The following PRKCI variants were observed in gnomAD, a reference collection of about 807,000 sequenced individuals.
PRKCI encodes the protein protein kinase C iota type.
PRKCI carries 43 observed loss-of-function variants against 84.0 expected under a neutral mutation model. That is an observed-to-expected ratio of 0.51 (90% CI 0.40 to 0.66). The LOEUF is 0.66. PRKCI is among the 30% of genes least tolerant of loss of function. The pLI is 0.00. For missense variants in PRKCI, 459 were observed against 745.6 expected (o/e 0.62, Z 4.48); for synonymous variants, 216 against 234.4 (o/e 0.92, Z 0.72).
rs577959729 is a variant in PRKCI, at chr3:170,231,831, C to T, written c.102-3399C>T. 2.3e-4 allele frequency among the ~76,000 whole-genome samples: 35 copies of T among 152,224 alleles called. 1 individual carries two copies. In the South Asian group the frequency reaches 3.7e-3, roughly 16 times the overall value. On this transcript the variant is annotated intron_variant, in intron 1 of 17. Transcript: ENST00000295797. ...TTGAATTATAGTAATAATCTCTTAT[C>T]TTAGTGAAATATAATAGAAAAATTT...
At chr3:170,282,622 G>A (rs777400605) in intron 11 of PRKCI, among the ~76,000 whole-genome samples, 3 of 151,520 alleles carry the variant, frequency 2.0e-5, no homozygotes, top group South Asian at 2.1e-4. Flanking sequence ...GTCTGAACCC[G>A]GAAGGCGGAG....
Position 170,257,689 on chromosome 3 carries a change from A to G in PRKCI, c.224-2280A>G, listed in dbSNP as rs180897855. ...TTTTTTTTTTTTTTTTTTGAGACAA[A>G]GTCTCGCTCTTGTTGCCCAGGCTGG... is the stretch of plus-strand genomic sequence containing the variant. On this transcript the variant is annotated intron_variant, in intron 2 of 17. Coordinates refer to ENST00000295797, the MANE Select transcript of PRKCI (RefSeq NM_002740.6). 8.9e-3 allele frequency among the ~76,000 whole-genome samples: 1,295 copies of G among 145,816 alleles called. 18 individuals carry two copies. The highest frequency in any genetic ancestry group is 0.031 in the African/African-American group (1,232 of 39,436).
rs1369020792 is a variant in PRKCI, at chr3:170,298,199, G to A, written c.1588-796G>A. ...AAAAATTGAATATTAATGTAATAAA[G>A]CAGGTTGTAATGTTATTAAGGCCCA... On this transcript the variant is annotated intron_variant, in intron 16 of 17. Transcript: ENST00000295797. 2.0e-5 allele frequency among the ~76,000 whole-genome samples: 3 copies of A among 152,002 alleles called. No individual in the cohort carries two copies. The East Asian group carries it at 5.8e-4, about 30-fold the overall frequency.
intron 11 of PRKCI, among the ~76,000 whole-genome samples, chr3:170,283,725 AG>A (rs1216572326): frequency 6.6e-6 from 1 of 152,200 alleles, no homozygotes; most frequent in African/African-American, 2.4e-5. Context: ...TAAGAACTAA[AG>A]CCCAGGACAA....
In PRKCI at chr3:170,303,407, T is replaced by TTA; in HGVS notation, c.*280_*281insTA. 4.2e-6 allele frequency: 1 copy of TTA among 237,004 alleles called. No homozygotes were observed. The highest frequency in any genetic ancestry group is 5.7e-5 in the Admixed American group (1 of 17,398). 14.7% of individuals were successfully genotyped at this position (237,004 alleles called of 1,614,324 possible). On this transcript the variant is annotated 3_prime_UTR_variant, in exon 18 of 18. Coordinates refer to ENST00000295797, the MANE Select transcript of PRKCI (RefSeq NM_002740.6). ...GAGTAATGAAGTTATCTTTTTTGTT[T>TTA]AAAAAAAAAAAAAACACTGCATTAA...
chr3:170,222,706 A>C lies in PRKCI; in HGVS notation c.37A>C (p.Thr13Pro). 6.2e-7 allele frequency: 1 copy of C among 1,609,256 alleles called. No individual in the cohort carries two copies. Among genetic ancestry groups the C allele is most frequent in the Non-Finnish European group, 8.5e-7 (1 of 1,178,576 alleles). Residue 13 changes from threonine to proline, a missense_variant, in exon 1 of 18, where the codon ACG becomes CCG. Thr to Pro is a conservative substitution (Grantham distance 38, BLOSUM62 -1). This residue lies in a region of PRKCI where 250 missense variants were observed against 319.7 expected (regional missense o/e 0.78). Coordinates refer to ENST00000295797, the MANE Select transcript of PRKCI (RefSeq NM_002740.6). ...TQRDSSTMSH[T>P]VAGGGSGDHS... ...GAGGGACAGCAGCACCATGTCCCAC[A>C]CGGTCGCAGGCGGCGGCAGCGGGGA...
chr3:170,270,145 T>G (rs763405488), intron 5 of PRKCI, among the ~76,000 whole-genome samples: 44 of 152,214 alleles, frequency 2.9e-4, no homozygotes, highest in Non-Finnish European at 4.4e-4. Flanking sequence ...CTGTTTTCAT[T>G]ATTTTGAACT....
chr3:170,227,978 T>C lies in PRKCI; in HGVS notation c.101+5208T>C, dbSNP rs528416806. Among the ~76,000 whole-genome samples, 20 of 152,256 alleles carry C rather than the reference T, an allele frequency of 1.3e-4. No homozygotes were observed. In the East Asian group the frequency reaches 3.7e-3, roughly 28 times the overall value. On this transcript the variant is annotated intron_variant, in intron 1 of 17. Transcript: ENST00000295797. ...ATCAGTAGAATTAAAGATAGTCTTG[T>C]AGGGGTGACGGGAGTTGGACAACTC...
intron 2 of PRKCI, among the ~76,000 whole-genome samples, chr3:170,242,199 A>G (rs1382297430): frequency 6.6e-6 from 1 of 152,108 alleles, no homozygotes; most frequent in Non-Finnish European, 1.5e-5. Context: ...GTTGAATTCA[A>G]CCAACTCTTT....
intron 2 of PRKCI, among the ~76,000 whole-genome samples, chr3:170,249,416 T>C (rs1405988032): frequency 1.3e-5 from 2 of 151,300 alleles, no homozygotes; most frequent in African/African-American, 4.9e-5. Flanking sequence ...AGAGAGAGAG[T>C]GCGTGTGTGC....
chr3:170,247,659 G>A (rs1384821394), intron 2 of PRKCI, among the ~76,000 whole-genome samples: 11 of 150,444 alleles, frequency 7.3e-5, no homozygotes, highest in African/African-American at 2.7e-4. Flanking sequence ...GAACCTGGGA[G>A]GTGGAGGTTG....
chr3:170,238,988 C>A (rs1733051908), intron 2 of PRKCI, among the ~76,000 whole-genome samples: 1 of 152,178 alleles, frequency 6.6e-6, no homozygotes, highest in Admixed American at 6.5e-5. Flanking sequence ...CCTGACCTAG[C>A]CTCCCAAAGT....
chr3:170,265,188 CAAAAA>C (rs71634708), intron 4 of PRKCI, among the ~76,000 whole-genome samples: 1 of 116,452 alleles, frequency 8.6e-6, no homozygotes, highest in Non-Finnish European at 1.8e-5. Context: ...GACTCTGTCT[CAAAAA>C]AAAAAAAAAG....
chr3:170,295,924 A>G lies in PRKCI; in HGVS notation c.1431A>G (p.Lys477=), dbSNP rs1385861768. 6.4e-7 allele frequency: 1 copy of G among 1,570,158 alleles called. No homozygotes were observed. ...EDYLFQVILE[K]QIRIPRSLSV... ...TTATCTTTCTAGTTATTTTGGAAAAACAAATTCGCATACCACGTTCTCTGT... is the reference window on the plus strand; with the variant it reads ...TTATCTTTCTAGTTATTTTGGAAAAGCAAATTCGCATACCACGTTCTCTGT... Residue 477 remains lysine (K), a synonymous_variant, in exon 15 of 18, where the codon AAA becomes AAG. Coordinates refer to ENST00000295797, the MANE Select transcript of PRKCI (RefSeq NM_002740.6).
At chr3:170,227,581 A>G (rs1403286061) in intron 1 of PRKCI, among the ~76,000 whole-genome samples, 2 of 152,224 alleles carry the variant, frequency 1.3e-5, no homozygotes, top group African/African-American at 2.4e-5. Flanking sequence ...TATAGGCATT[A>G]AACAACCACA....
At chr3:170,264,265 A>G (rs1010060980) in intron 4 of PRKCI, among the ~76,000 whole-genome samples, 2 of 151,154 alleles carry the variant, frequency 1.3e-5, no homozygotes, top group Non-Finnish European at 2.9e-5. Flanking sequence ...TTACTTAAAC[A>G]GGTATTAAGT....
At chr3:170,289,511 C>A (rs1033894513) in intron 12 of PRKCI, among the ~76,000 whole-genome samples, 3 of 152,130 alleles carry the variant, frequency 2.0e-5, no homozygotes, top group African/African-American at 7.2e-5. Flanking sequence ...ACAGTGCTCA[C>A]GCCTGTAATC....
intron 1 of PRKCI, among the ~76,000 whole-genome samples, chr3:170,231,589 T>C (rs1414287774): frequency 2.0e-5 from 3 of 151,956 alleles, no homozygotes; most frequent in Non-Finnish European, 2.9e-5. Flanking sequence ...CTCAGCCTCC[T>C]GAGTAGCTAG....
At chr3:170,256,511 G>A (rs1255515063) in intron 2 of PRKCI, among the ~76,000 whole-genome samples, 2 of 152,044 alleles carry the variant, frequency 1.3e-5, no homozygotes, top group East Asian at 3.8e-4. Context: ...AGTATTAGTT[G>A]TATTGTCTCC....
Sources: gnomAD v4.1 joint callset for allele counts (sites outside exome capture counted in the v4.1 genomes callset) on GRCh38, gnomAD v4.1.1 for gene constraint, gnomAD v4.1.1 regional missense constraint, MANE v1.5 for transcripts, NCBI Gene and HGNC (gene_info 2026-07-23, HGNC 2026-07-21) for gene names.